The following ELAVL2 variants were observed in gnomAD, a reference collection of about 807,000 sequenced individuals.
ELAVL2 encodes the protein ELAV like RNA binding protein 2.
Under a neutral mutation model 34.6 loss-of-function variants are expected in ELAVL2, and 4 were observed. That is an observed-to-expected ratio of 0.12 (90% CI 0.06 to 0.26). The LOEUF (loss-of-function observed/expected upper bound fraction) is 0.26, where lower values mean the gene tolerates loss of function less well. Ranked by LOEUF, ELAVL2 falls within the 10% of genes least tolerant of loss-of-function variation. The pLI is 1.00. For synonymous variants in ELAVL2, 193 were observed against 154.8 expected (o/e 1.25, Z -1.83); for missense variants, 432 against 442.8 (o/e 0.98, Z 0.22).
chr9:23,839,397 C>A, the ELAVL2 span, among the ~76,000 whole-genome samples: 4 of 152,060 alleles, frequency 2.6e-5, no homozygotes, highest in Non-Finnish European at 5.9e-5. Flanking sequence ...AACATGACTG[C>A]GGCAATCAAT....
In ELAVL2 at chr9:23,771,479, T is replaced by C. The variant is rs1478306743; in HGVS notation, c.-15-9230A>G. On this transcript the variant is annotated intron_variant, in intron 1 of 6. Transcript: ENST00000397312. ...ACCCAACATACAAAAATTTTGACTT[T>C]ATAAATATTAAATCCAGAGTTATTC... 3.3e-5 allele frequency among the ~76,000 whole-genome samples: 5 copies of C among 152,046 alleles called. No homozygotes were observed. The East Asian group carries it at 9.6e-4, about 29-fold the overall frequency.
At chr9:23,776,190 T>C (rs1390617241) in intron 1 of ELAVL2, among the ~76,000 whole-genome samples, 1 of 152,176 alleles carries the variant, frequency 6.6e-6, no homozygotes, top group Non-Finnish European at 1.5e-5. Context: ...AAGGGGAAAG[T>C]AGGCTGTCAA....
rs2060480806 is a variant in ELAVL2 at position 23,792,822 on chromosome 9, G to A, written c.-15-30573C>T. Among the ~76,000 whole-genome samples the A allele has an allele frequency of 2.0e-5, 3 of 151,956 alleles. No homozygotes were observed. The South Asian group carries it at 6.3e-4, about 32-fold the overall frequency. ...TTCTTACTCTGTCGCCCAGGATGGA[G>A]TACAGCGGTGTGGTCACAGCTCACG... On this transcript the variant is annotated intron_variant, in intron 1 of 6. Coordinates refer to ENST00000397312, the MANE Select transcript of ELAVL2 (RefSeq NM_004432.5).
chr9:23,849,283 A>C, the ELAVL2 span, among the ~76,000 whole-genome samples: 15 of 152,326 alleles, frequency 9.8e-5, no homozygotes, highest in South Asian at 1.7e-3. Context: ...AGGAGAGGGC[A>C]GTGGGAAGGA....
At chr9:23,713,412 G>A (rs1330404475) in intron 3 of ELAVL2, among the ~76,000 whole-genome samples, 1 of 152,120 alleles carries the variant, frequency 6.6e-6, no homozygotes, top group Non-Finnish European at 1.5e-5. Context: ...CCAAGTCTAA[G>A]CAGGAACTTG....
At chr9:23,848,551 A>G in the ELAVL2 span, among the ~76,000 whole-genome samples, 1 of 152,196 alleles carries the variant, frequency 6.6e-6, no homozygotes, top group Non-Finnish European at 1.5e-5. Flanking sequence ...TTACTGTTGA[A>G]CTACAGTAAC....
At chr9:23,754,706 G>A (rs981061485) in intron 2 of ELAVL2, among the ~76,000 whole-genome samples, 14 of 152,168 alleles carry the variant, frequency 9.2e-5, no homozygotes, top group Middle Eastern at 6.8e-3. Flanking sequence ...CCGGTGATTC[G>A]CCTGCATTGG....
chr9:23,723,688 A>G (rs996717361), intron 3 of ELAVL2, among the ~76,000 whole-genome samples: 6 of 152,124 alleles, frequency 3.9e-5, no homozygotes, highest in Admixed American at 3.9e-4. Flanking sequence ...AACTATTTTC[A>G]GTGTCTTCTA....
intron 1 of ELAVL2, among the ~76,000 whole-genome samples, chr9:23,811,317 G>A (rs3793597): frequency 0.047 from 7,072 of 149,738 alleles, 324 homozygotes; most frequent in Admixed American, 0.14. Context: ...CAAGCTGTTC[G>A]ATCACCTTTC....
intron 3 of ELAVL2, among the ~76,000 whole-genome samples, chr9:23,706,236 T>C (rs568647104): frequency 1.3e-5 from 2 of 152,238 alleles, no homozygotes; most frequent in African/African-American, 4.8e-5. Context: ...AAAGACAAAA[T>C]AGGTCTGCAT....
At chr9:23,845,687 T>TA in the ELAVL2 span, among the ~76,000 whole-genome samples, 4 of 151,828 alleles carry the variant, frequency 2.6e-5, no homozygotes. Flanking sequence ...TTTCACTTTA[T>TA]AAAAAATTGA....
chr9:23,738,224 C>T (rs2048343960), intron 2 of ELAVL2, among the ~76,000 whole-genome samples: 2 of 152,294 alleles, frequency 1.3e-5, no homozygotes, highest in Middle Eastern at 3.4e-3. Context: ...CATGTGGGTA[C>T]CACACAGCAG....
intron 1 of ELAVL2, among the ~76,000 whole-genome samples, chr9:23,815,442 C>A (rs1588774008): frequency 6.6e-6 from 1 of 152,002 alleles, no homozygotes. Flanking sequence ...TACTTCATGG[C>A]AGAAATAAAC....
intron 2 of ELAVL2, among the ~76,000 whole-genome samples, chr9:23,759,778 A>ATATATATATAT (rs1554720119): frequency 1.3e-4 from 18 of 138,878 alleles, no homozygotes; most frequent in Non-Finnish European, 2.3e-4. Context: ...ATATATATAT[A>ATATATATATAT]TATATATATA....
At chr9:23,817,933 T>A (rs2063945173) in intron 1 of ELAVL2, among the ~76,000 whole-genome samples, 1 of 152,240 alleles carries the variant, frequency 6.6e-6, no homozygotes, top group Non-Finnish European at 1.5e-5. Context: ...AGCTTAAGTG[T>A]CTTCTGTTTC....
intron 1 of ELAVL2, among the ~76,000 whole-genome samples, chr9:23,778,973 T>G (rs555417650): frequency 1.3e-5 from 2 of 152,168 alleles, no homozygotes; most frequent in South Asian, 4.1e-4. Context: ...TTGAGACAGT[T>G]AATTCAAACC....
intron 1 of ELAVL2, among the ~76,000 whole-genome samples, chr9:23,772,035 A>C (rs945166380): frequency 3.3e-5 from 5 of 152,318 alleles, no homozygotes; most frequent in African/African-American, 1.2e-4. Flanking sequence ...GAATAAAATC[A>C]ACTACTCCCT....
the ELAVL2 span, among the ~76,000 whole-genome samples, chr9:23,845,391 T>C: frequency 6.6e-6 from 1 of 151,830 alleles, no homozygotes; most frequent in Non-Finnish European, 1.5e-5. Context: ...GAAAATTATA[T>C]AAACATTTTA....
Position 23,692,349 on chromosome 9 carries a change from G to A in ELAVL2, c.*208C>T. 1 of 579,010 alleles carries A rather than the reference G, an allele frequency of 1.7e-6. No homozygotes were observed. 35.9% of individuals were successfully genotyped at this position (579,010 alleles called of 1,614,324 possible). On this transcript the variant is annotated 3_prime_UTR_variant, in exon 7 of 7. Transcript: ENST00000397312. ...GACAGGTAAAAACCCTGTACCTCTT[G>A]TCCATATTCAAACATAAAAGATATT...
Sources: gnomAD v4.1 joint callset for allele counts (sites outside exome capture counted in the v4.1 genomes callset) on GRCh38, gnomAD v4.1.1 for gene constraint, MANE v1.5 for transcripts, NCBI Gene and HGNC (gene_info 2026-07-23, HGNC 2026-07-21) for gene names.